PLCG2: variants seen among roughly 807,000 people sequenced by gnomAD.
PLCG2 encodes 1-phosphatidylinositol 4,5-bisphosphate phosphodiesterase gamma-2.
Under a neutral mutation model 175.6 loss-of-function variants are expected in PLCG2, and 69 were observed. The observed-to-expected ratio is 0.39, with a 90% CI of 0.32 to 0.48. The LOEUF is 0.48. Ranked by LOEUF, PLCG2 falls within the 20% of genes least tolerant of loss-of-function variation. PLCG2 has a pLI of 0.91. For synonymous variants in PLCG2, 827 were observed against 624.0 expected, an observed-to-expected ratio of 1.33 and a Z score of -4.85; for missense variants, 1,798 against 1,650.9, an observed-to-expected ratio of 1.09 and a Z score of -1.54.
chr16:81,807,824 G>A (rs1199663945), intron 2 of PLCG2, among the ~76,000 whole-genome samples: 2 of 152,158 alleles, frequency 1.3e-5, no homozygotes, highest in East Asian at 3.9e-4. Flanking sequence ...CATGTGACAT[G>A]GAGAAAGCAG....
At chr16:81,861,174 T>A (rs1052938914) in intron 5 of PLCG2, among the ~76,000 whole-genome samples, 18 of 152,134 alleles carry the variant, frequency 1.2e-4, no homozygotes, top group African/African-American at 4.1e-4. Context: ...ACCTTATTTT[T>A]TTGGTAAAAT....
At chr16:81,769,767 C>T (rs1264687568) in intron 2 of PLCG2, among the ~76,000 whole-genome samples, 1 of 138,292 alleles carries the variant, frequency 7.2e-6, no homozygotes, top group African/African-American at 2.7e-5. Context: ...TTGCAGTGAG[C>T]CGAGATCCCG....
At chr16:81,947,472 C>G (rs555886166) in intron 31 of PLCG2, among the ~76,000 whole-genome samples, 1 of 152,152 alleles carries the variant, frequency 6.6e-6, no homozygotes, top group Non-Finnish European at 1.5e-5. Flanking sequence ...GAATTGCATT[C>G]GGTAGACCTG....
In PLCG2 at chr16:81,910,383, G is replaced by A. The variant is rs61398036; in HGVS notation, c.1734-137G>A. ...TGGGATTACAGGCATGAGCCACTGC[G>A]CCCAGCCTCCTGTGTCTGTTCTAGG... On this transcript the variant is annotated intron_variant, in intron 17 of 32. Coordinates refer to ENST00000564138, the MANE Select transcript of PLCG2 (RefSeq NM_002661.5). 1.2e-3 allele frequency: 886 copies of A among 748,268 alleles called. 7 individuals are homozygous for A. The African/African-American group carries it at 0.012, about 10-fold the overall frequency. The allele number at this position is 748,268 out of a possible 1,614,324, so 46.4% of individuals were successfully genotyped here.
intron 2 of PLCG2, among the ~76,000 whole-genome samples, chr16:81,801,554 A>T (rs1315882035): frequency 6.6e-6 from 1 of 152,228 alleles, no homozygotes; most frequent in East Asian, 1.9e-4. Context: ...GGTTGTTTCC[A>T]ATCATGATAC....
chr16:81,802,816 C>T (rs550348129), intron 2 of PLCG2, among the ~76,000 whole-genome samples: 2 of 152,208 alleles, frequency 1.3e-5, no homozygotes, highest in African/African-American at 4.8e-5. Context: ...GGTGATCCAC[C>T]CACCTCAGCC....
rs1303010357 is a variant in PLCG2, at chr16:81,907,694, C to A, written c.1477C>A (p.Arg493=). The change falls in exon 16 of 33, where the codon CGG becomes AGG. Residue 493 remains arginine, a synonymous_variant. Coordinates refer to ENST00000564138, the MANE Select transcript of PLCG2 (RefSeq NM_002661.5). ...MWDSIDQKWT[R]HYCAIADAKL... Reference sequence around the variant, plus strand: ...CAGTTTCACTTTCTAGAAATGGACTCGGCACTACTGCGCCATTGCCGATGC... The same window carrying A: ...CAGTTTCACTTTCTAGAAATGGACTAGGCACTACTGCGCCATTGCCGATGC... 1.9e-6 allele frequency: 3 copies of A among 1,612,720 alleles called. No individual in the cohort carries two copies. Among genetic ancestry groups the A allele is most frequent in the Non-Finnish European group, 2.5e-6 (3 of 1,178,830 alleles).
intron 20 of PLCG2, among the ~76,000 whole-genome samples, chr16:81,920,554 G>T (rs1292879584): frequency 1.3e-5 from 2 of 152,188 alleles, no homozygotes; most frequent in African/African-American, 4.8e-5. Flanking sequence ...AGAAATGTGA[G>T]CCGAAACATG....
At position 81,934,808 on chromosome 16, in the gene PLCG2, G is replaced by C. The variant is rs1359221445; in HGVS notation, c.2842+277G>C. Among the ~76,000 whole-genome samples the C allele has an allele frequency of 4.6e-5, 7 of 152,254 alleles. No individual in the cohort carries two copies. In the East Asian group the frequency reaches 1.4e-3, roughly 29 times the overall value. On this transcript the variant is annotated intron_variant, in intron 26 of 32. Coordinates refer to ENST00000564138, the MANE Select transcript of PLCG2 (RefSeq NM_002661.5). ...AATGGACTCACAGTTCCACGTGGAG[G>C]AGGCCTCACAATTATGGCAGCAGAG...
chr16:81,931,903 A>G (rs1444178187), intron 25 of PLCG2, among the ~76,000 whole-genome samples: 1 of 152,220 alleles, frequency 6.6e-6, no homozygotes, highest in Non-Finnish European at 1.5e-5. Context: ...GAGTGCCTGC[A>G]GCAATGCTCA....
intron 9 of PLCG2, among the ~76,000 whole-genome samples, chr16:81,888,446 C>T (rs1271784983): frequency 6.6e-6 from 1 of 152,196 alleles, no homozygotes; most frequent in Admixed American, 6.5e-5. Context: ...AGGCTGGTCT[C>T]AAACTCCTGA....
chr16:81,763,843 T>TGA (rs1910089873), intron 2 of PLCG2, among the ~76,000 whole-genome samples: 1 of 151,458 alleles, frequency 6.6e-6, no homozygotes, highest in Non-Finnish European at 1.5e-5. Flanking sequence ...GGCAGGCACT[T>TGA]GTAATCTCAG....
chr16:81,783,502 C>T (rs1292586595), intron 1 of PLCG2, among the ~76,000 whole-genome samples: 1 of 152,152 alleles, frequency 6.6e-6, no homozygotes, highest in Non-Finnish European at 1.5e-5. Flanking sequence ...TAATATCTGG[C>T]CAGATGCTGC....
At chr16:81,922,260 C>T (rs999336209) in intron 21 of PLCG2, among the ~76,000 whole-genome samples, 3 of 152,212 alleles carry the variant, frequency 2.0e-5, no homozygotes, top group African/African-American at 7.2e-5. Context: ...CACTAACTCA[C>T]ATTGATGGAT....
chr16:81,811,469 G>A (rs552370932), intron 2 of PLCG2, among the ~76,000 whole-genome samples: 79 of 152,114 alleles, frequency 5.2e-4, no homozygotes, highest in Admixed American at 1.6e-3. Context: ...TGATGTTTCC[G>A]TTTTCTTTTT....
At chr16:81,762,185 A>G (rs1910055671) in intron 2 of PLCG2, among the ~76,000 whole-genome samples, 1 of 152,130 alleles carries the variant, frequency 6.6e-6, no homozygotes. Flanking sequence ...GCCTCTTTCC[A>G]ATTATTAATG....
chr16:81,778,055 C>CAAACAAACAAA (rs1910516699), upstream of PLCG2, among the ~76,000 whole-genome samples: 3 of 56,776 alleles, frequency 5.3e-5, 1 homozygote, highest in Non-Finnish European at 6.9e-5. Context: ...AAAAAAAAAA[C>CAAACAAACAAA]AAAAAAAACC....
At chr16:81,758,986 T>C (rs1423982660) in intron 2 of PLCG2, among the ~76,000 whole-genome samples, 1 of 152,160 alleles carries the variant, frequency 6.6e-6, no homozygotes, top group African/African-American at 2.4e-5. Flanking sequence ...CTATCGTCCA[T>C]CTTTTTAAAT....
chr16:81,925,349 T>A (rs1910219311), intron 22 of PLCG2, among the ~76,000 whole-genome samples: 1 of 152,166 alleles, frequency 6.6e-6, no homozygotes, highest in South Asian at 2.1e-4. Flanking sequence ...AAGATGCTCC[T>A]GAGAGTGAAG....
Sources: gnomAD v4.1 joint callset for allele counts (sites outside exome capture counted in the v4.1 genomes callset) on GRCh38, gnomAD v4.1.1 for gene constraint, MANE v1.5 for transcripts, NCBI Gene and HGNC (gene_info 2026-07-23, HGNC 2026-07-21) for gene names.